The following TTN variants were observed in gnomAD, a reference collection of about 807,000 sequenced individuals.
The protein encoded by TTN is connectin.
Under a neutral mutation model 3,223.0 loss-of-function variants are expected in TTN, and 1,525 were observed. That is an observed-to-expected ratio of 0.47 (90% confidence interval 0.45 to 0.49). The LOEUF (loss-of-function observed/expected upper bound fraction) is 0.49. Ranked by LOEUF, TTN falls within the 20% of genes least tolerant of loss-of-function variation. TTN has a pLI of 0.00. For missense variants in TTN, 40,786 were observed against 43,424.0 expected, an observed-to-expected ratio of 0.94 and a Z score of 5.40; for synonymous variants, 14,094 against 15,161.0, an observed-to-expected ratio of 0.93 and a Z score of 5.17.
chr2:178,741,957 A>C lies in TTN; in HGVS notation c.11312-36T>G, dbSNP rs528158897. The C allele has an allele frequency of 1.9e-4, 244 of 1,304,930 alleles. 2 individuals carry two copies. The African/African-American group carries it at 3.3e-3, about 18-fold the overall frequency. The allele number at this position is 1,304,930 out of a possible 1,614,324, so 80.8% of individuals were successfully genotyped here. A position where few individuals can be genotyped will look rare whatever the true frequency, so the allele number is the denominator to read the frequency against. On this transcript the variant is annotated intron_variant, in intron 47 of 362. Coordinates refer to ENST00000589042, the MANE Select transcript of TTN (RefSeq NM_001267550.2). The stretch of plus-strand genomic sequence containing the variant: ...AAAAATGATTATTATTTTACTATAA[A>C]ATTTTATTTAATATAAAAATAGAAA...
rs1052979162 is a variant in TTN, at chr2:178,692,557, C to G, written c.31618G>C (p.Ala10540Pro). Residue 10540 changes from alanine to proline, a missense_variant, in exon 120 of 363, where the codon GCT becomes CCT. Coordinates refer to ENST00000589042, the MANE Select transcript of TTN (RefSeq NM_001267550.2). ...GGAACAGGGGCCACTTCTTCTGGAGCTGGTTTCTCAGGTAGCTCAGGGACT... is the reference window on the plus strand; with the variant it reads ...GGAACAGGGGCCACTTCTTCTGGAGGTGGTTTCTCAGGTAGCTCAGGGACT... ...PKVPELPEKP[A>P]PEEVAPVPIP... 3.8e-6 allele frequency: 6 copies of G among 1,569,030 alleles called. No individual in the cohort carries two copies. Among genetic ancestry groups the G allele is most frequent in the Non-Finnish European group, 5.2e-6 (6 of 1,159,808 alleles).
intron 44 of TTN, 159 bp downstream of exon 44, chr2:178,758,825 A>C: frequency 1.3e-6 from 1 of 748,758 alleles, no homozygotes; most frequent in Non-Finnish European, 2.3e-6. Flanking sequence ...GTGGTAAAGG[A>C]GAGGCGAGAC....
intron 121 of TTN, among the ~76,000 whole-genome samples, chr2:178,690,738 A>G (rs1338451379): frequency 6.6e-6 from 1 of 152,160 alleles, no homozygotes; most frequent in Non-Finnish European, 1.5e-5. Flanking sequence ...TGGTGCAATT[A>G]TATAGCTGTT....
At chr2:178,538,063 T>C (rs1692462081) in intron 354 of TTN, 146 bp from the exon 355 acceptor site, 2 of 795,226 alleles carry the variant, frequency 2.5e-6, no homozygotes, top group Non-Finnish European at 3.9e-6. Context: ...CTCTTTGAAG[T>C]GATTTTCCTA....
intron 271 of TTN, 23 bp from the exon 272 acceptor site, chr2:178,610,009 T>C (rs1391477458): frequency 3.7e-6 from 6 of 1,609,942 alleles, no homozygotes; most frequent in South Asian, 2.2e-5. Flanking sequence ...AAAAAAATGT[T>C]AGTATCAGGA....
rs751395038 is a variant in TTN, at chr2:178,568,448, T to G, written c.77684A>C (p.Lys25895Thr). ...IVTLDKPDPPKGPVKFDDVSA... is the reference protein window; with the variant it reads ...IVTLDKPDPPTGPVKFDDVSA... ...GACGTCATCAAATTTAACAGGTCCTTTTGGAGGATCAGGTTTATCTAGAGT... is the reference window on the plus strand; with the variant it reads ...GACGTCATCAAATTTAACAGGTCCTGTTGGAGGATCAGGTTTATCTAGAGT... Residue 25895 changes from lysine (K) to threonine (T), a missense_variant, in exon 326 of 363, where the codon AAA (lysine) becomes ACA (threonine). Physicochemically the swap from Lys to Thr is moderately conservative, Grantham distance 78. Coordinates refer to ENST00000589042, the MANE Select transcript of TTN (RefSeq NM_001267550.2). 2 of 1,613,284 alleles carry G rather than the reference T, an allele frequency of 1.2e-6. No individual in the cohort carries two copies. Among genetic ancestry groups the G allele is most frequent in the Admixed American group, 1.7e-5 (1 of 59,954 alleles).
Position 178,589,920 on chromosome 2 carries a change from G to A in TTN, c.61805C>T (p.Thr20602Ile), listed in dbSNP as rs1342930607. The A allele has an allele frequency of 6.2e-7, 1 of 1,613,252 alleles. No homozygotes were observed. The highest frequency in any genetic ancestry group is 2.2e-5 in the East Asian group (1 of 44,688). ...NPLDNGGSEI[T>I]NFIVEYRKPN... is the part of the protein sequence containing the mutation. ...TTTGCGATATTCTACTATGAAGTTTGTTATTTCTGAGCCACCATTATCTAG... is the reference window on the plus strand; with the variant it reads ...TTTGCGATATTCTACTATGAAGTTTATTATTTCTGAGCCACCATTATCTAG... The change falls in exon 304 of 363, where the codon ACA (threonine) becomes ATA (isoleucine). Residue 20602 changes from threonine (T) to isoleucine (I), a missense_variant. Coordinates refer to ENST00000589042, the MANE Select transcript of TTN (RefSeq NM_001267550.2).
intron 240 of TTN, among the ~76,000 whole-genome samples, chr2:178,627,867 A>G (rs1365276777): frequency 1.3e-5 from 2 of 152,082 alleles, no homozygotes. Context: ...CAGATCTAGA[A>G]AGAATCTTGA....
chr2:178,596,470 G>C (rs929362612), intron 294 of TTN, among the ~76,000 whole-genome samples: 5 of 151,986 alleles, frequency 3.3e-5, no homozygotes, highest in African/African-American at 1.2e-4. Flanking sequence ...CAGTTTCTAT[G>C]TCCAGTTTCC....
Position 178,613,787 on chromosome 2 carries a change from C to T in TTN, c.49496G>A (p.Arg16499Lys). The change falls in exon 263 of 363, where the codon AGA becomes AAA. Residue 16499 changes from arginine to lysine, a missense_variant. Transcript: ENST00000589042. ...GTCCTTTACTGGCATCTTATTGCATCTAACCCATTTATCTGTATCAGGATC... is the reference window on the plus strand; with the variant it reads ...GTCCTTTACTGGCATCTTATTGCATTTAACCCATTTATCTGTATCAGGATC... ...RLDPDTDKWV[R>K]CNKMPVKDTT... The T allele has an allele frequency of 5.0e-6, 8 of 1,612,484 alleles. No homozygotes were observed. Among genetic ancestry groups the T allele is most frequent in the Non-Finnish European group, 6.8e-6 (8 of 1,178,958 alleles).
chr2:178,725,757 A>G lies in TTN; in HGVS notation c.20554+11T>C. On this transcript the variant is annotated intron_variant, in intron 70 of 362. Transcript: ENST00000589042. The stretch of plus-strand genomic sequence containing the variant: ...TATGACATTTCTGCCATGTGGATGA[A>G]CTATATTTACCTTTCAATTTTACAG... 6.4e-7 allele frequency: 1 copy of G among 1,571,360 alleles called. No homozygotes were observed. Among genetic ancestry groups the G allele is most frequent in the Non-Finnish European group, 8.6e-7 (1 of 1,156,730 alleles).
chr2:178,711,192 T>G lies in TTN; in HGVS notation c.28044A>C (p.Gln9348His). 1 of 1,613,844 alleles carries G rather than the reference T, an allele frequency of 6.2e-7. No individual in the cohort carries two copies. The highest frequency in any genetic ancestry group is 1.1e-5 in the South Asian group (1 of 91,078). The change falls in exon 97 of 363, where the codon CAA becomes CAC. Residue 9348 changes from glutamine (Q) to histidine (H), a missense_variant. Coordinates refer to ENST00000589042, the MANE Select transcript of TTN (RefSeq NM_001267550.2). The part of the protein sequence containing the change: ...GKPLKDSPNV[Q>H]TSFLDNTATL... ...TGGCTGTATTGTCTAAAAATGATGTTTGTACATTTGGGCTGTCTTTCAATG... is the reference window on the plus strand; with the variant it reads ...TGGCTGTATTGTCTAAAAATGATGTGTGTACATTTGGGCTGTCTTTCAATG...
In TTN at chr2:178,546,123, C is replaced by T; in HGVS notation, c.95120-7G>A. The T allele has an allele frequency of 6.3e-7, 1 of 1,597,924 alleles. No homozygotes were observed. Among genetic ancestry groups the T allele is most frequent in the South Asian group, 1.1e-5 (1 of 88,344 alleles). ...CCACATGGGCCAGGGGAATCTGAAA[C>T]AGGTGTAATGACAAGCCATGATGAA... is the stretch of plus-strand genomic sequence containing the variant. On this transcript the variant is annotated splice_polypyrimidine_tract_variant and splice_region_variant and intron_variant, in intron 342 of 362. Coordinates refer to ENST00000589042, the MANE Select transcript of TTN (RefSeq NM_001267550.2).
Position 178,735,845 on chromosome 2 carries a change from A to G in TTN, c.14601T>C (p.Cys4867=), listed in dbSNP as rs372411803. 6.2e-7 allele frequency: 1 copy of G among 1,613,722 alleles called. No individual in the cohort carries two copies. The change falls in exon 50 of 363, where the codon TGT becomes TGC. Residue 4867 remains cysteine, a synonymous_variant. Coordinates refer to ENST00000589042, the MANE Select transcript of TTN (RefSeq NM_001267550.2). ...LTIQDRGVYS[C]KASNKFGADI... ...CTGCTCCAAACTTGTTGGAAGCCTT[A>G]CAAGAATAAACTCCTCTATCTTGAA...
At position 178,559,745 on chromosome 2, in the gene TTN, C is replaced by T. The variant is rs181167673; in HGVS notation, c.86387G>A (p.Arg28796His). ...VLWSKPDTDL[R>H]TRAYVDTTDS... is the part of the protein sequence containing the mutation. ...TGTGGTATCAACATAAGCTCTAGTA[C>T]GGAGGTCAGTGTCTGGCTTACTCCA... The change falls in exon 326 of 363, where the codon CGT becomes CAT. Residue 28796 changes from arginine (R) to histidine (H), a missense_variant. Transcript: ENST00000589042. The T allele has an allele frequency of 7.5e-6, 12 of 1,598,760 alleles. No homozygotes were observed. The highest frequency in any genetic ancestry group is 2.2e-5 in the East Asian group (1 of 44,726).
At chr2:178,553,426 A>G in intron 334 of TTN, 30 bp from the exon 335 acceptor site, 1 of 1,572,096 alleles carries the variant, frequency 6.4e-7, no homozygotes, top group Non-Finnish European at 8.6e-7. Context: ...ACATACAGTG[A>G]ATTTTAAAAG....
At chr2:178,723,791 A>T in intron 73 of TTN, 65 bp downstream of exon 73, 1 of 1,538,402 alleles carries the variant, frequency 6.5e-7, no homozygotes, top group Admixed American at 2.1e-5. Flanking sequence ...AATGTTTGTC[A>T]ACATAGATGT....
rs774398710 is a variant in TTN, at chr2:178,740,103, A to G, written c.13130T>C (p.Leu4377Pro). The G allele has an allele frequency of 3.1e-6, 5 of 1,613,816 alleles. No homozygotes were observed. Among genetic ancestry groups the G allele is most frequent in the East Asian group, 4.5e-5 (2 of 44,836 alleles). Residue 4377 changes from leucine (L) to proline (P), a missense_variant, in exon 48 of 363, where the codon CTT (leucine) becomes CCT (proline). By Grantham distance (98) the Leu-to-Pro change is moderately conservative (BLOSUM62 -3). Transcript: ENST00000589042. ...AGAAAGCAAGCTTTCCTTAGAAAGA[A>G]GGTCCCTTCCCTGTACCTCCTGCAC... ...KKVQEVQGRD[L>P]LSKESLLSGI... is the part of the protein sequence containing the mutation.
At chr2:178,748,744 T>C in intron 47 of TTN, 3 of 1,612,648 alleles carry the variant, frequency 1.9e-6, no homozygotes, top group Non-Finnish European at 2.5e-6. Flanking sequence ...GACTTATTTT[T>C]TCCTGTTGTT....
Sources: allele counts gnomAD v4.1 joint callset (sites outside exome capture counted in the v4.1 genomes callset), GRCh38; gene constraint gnomAD v4.1.1; transcripts MANE v1.5; gene names NCBI Gene and HGNC (gene_info 2026-07-23, HGNC 2026-07-21).